MATN2: variants seen among roughly 807,000 people sequenced by gnomAD.
MATN2 encodes the protein matrilin 2.
In MATN2, 69 loss-of-function variants were observed where a neutral mutation model predicts 103.2. The ratio of observed to expected loss-of-function variants is 0.67; its 90% CI spans 0.55 to 0.82. The LOEUF is 0.82. Among genes scored for constraint, MATN2 ranks in the 40% least tolerant of loss-of-function variants. The pLI, the probability that MATN2 is intolerant of heterozygous loss-of-function variation, is 0.00. For missense variants in MATN2, 1,023 were observed against 1,211.5 expected (o/e 0.84, Z 2.31); for synonymous variants, 429 against 450.2 (o/e 0.95, Z 0.60).
At chr8:97,881,452 TTCTC>T (rs1016068862) in intron 1 of MATN2, among the ~76,000 whole-genome samples, 2 of 152,204 alleles carry the variant, frequency 1.3e-5, no homozygotes, top group African/African-American at 4.8e-5. Flanking sequence ...CAGAATAATC[TTCTC>T]TCTCTTCCCC....
At chr8:97,872,507 G>A (rs1817928921) in intron 1 of MATN2, among the ~76,000 whole-genome samples, 1 of 152,198 alleles carries the variant, frequency 6.6e-6, no homozygotes, top group African/African-American at 2.4e-5. Context: ...CAGTTCTGAA[G>A]TTCAGAACTC....
At chr8:97,893,832 C>T (rs896326444) in intron 2 of MATN2, among the ~76,000 whole-genome samples, 2 of 152,116 alleles carry the variant, frequency 1.3e-5, no homozygotes, top group South Asian at 2.1e-4. Context: ...CGTGAGCCGC[C>T]GCACCCGGCC....
chr8:97,946,391 C>T (rs1329388462), intron 4 of MATN2, among the ~76,000 whole-genome samples: 4 of 152,116 alleles, frequency 2.6e-5, no homozygotes, highest in Admixed American at 6.5e-5. Flanking sequence ...ATTCCTTCTG[C>T]CTTTCAAAAA....
At chr8:97,914,810 G>T (rs1025871989) in intron 2 of MATN2, among the ~76,000 whole-genome samples, 3 of 152,086 alleles carry the variant, frequency 2.0e-5, no homozygotes, top group African/African-American at 4.8e-5. Flanking sequence ...TTTTGCATAC[G>T]CTGCCCTTTT....
chr8:97,952,916 A>ATTTTTTTT (rs71570276), intron 4 of MATN2, among the ~76,000 whole-genome samples: 2 of 96,138 alleles, frequency 2.1e-5, no homozygotes, highest in Non-Finnish European at 4.0e-5. Flanking sequence ...GTTTGTAGGG[A>ATTTTTTTT]TTTTTTTTTT....
chr8:98,032,232 CT>C lies in MATN2; in HGVS notation c.2510-9del. The C allele has an allele frequency of 6.2e-7, 1 of 1,604,124 alleles. No homozygotes were observed. Among genetic ancestry groups the C allele is most frequent in the Non-Finnish European group, 8.5e-7 (1 of 1,175,076 alleles). ...GACAACCATCACTTCTTTTGGTCAT[CT>C]TTTTCTGCTCAGCTCTAGAAGACTC... On this transcript the variant is annotated splice_polypyrimidine_tract_variant and intron_variant, in intron 15 of 18. Transcript: ENST00000254898.
chr8:98,003,553 A>G (rs1234851166), intron 7 of MATN2, 108 bp from the exon 8 acceptor site: 2 of 1,289,264 alleles, frequency 1.6e-6, no homozygotes, highest in Admixed American at 3.8e-5. Context: ...CTCAGCAGGC[A>G]GCACCCACCA....
At chr8:97,938,963 G>A (rs1311248288) in intron 3 of MATN2, among the ~76,000 whole-genome samples, 6 of 151,980 alleles carry the variant, frequency 3.9e-5, no homozygotes, top group Non-Finnish European at 5.9e-5. Context: ...TCTGCCTCCC[G>A]GTTTCAAGCA....
intron 5 of MATN2, among the ~76,000 whole-genome samples, chr8:97,967,538 A>G (rs1811522533): frequency 6.6e-6 from 1 of 152,240 alleles, no homozygotes; most frequent in African/African-American, 2.4e-5. Context: ...TGGCCAAAAC[A>G]AAGGGCAATA....
chr8:98,011,666 TTCTA>T (rs1173392708), intron 10 of MATN2, among the ~76,000 whole-genome samples: 1 of 152,212 alleles, frequency 6.6e-6, no homozygotes, highest in Non-Finnish European at 1.5e-5. Flanking sequence ...AGCAGTGTAA[TTCTA>T]TCTGTCGGCT....
intron 1 of MATN2, among the ~76,000 whole-genome samples, chr8:97,881,680 TATC>T (rs1294268304): frequency 6.6e-6 from 1 of 152,202 alleles, no homozygotes; most frequent in South Asian, 2.1e-4. Flanking sequence ...TGTTCTCAAA[TATC>T]ATTCCATTTT....
intron 5 of MATN2, among the ~76,000 whole-genome samples, chr8:97,976,739 C>CTT (rs35592375): frequency 1.5e-4 from 21 of 144,718 alleles, no homozygotes; most frequent in South Asian, 4.3e-4. Context: ...TTTCCAAAAA[C>CTT]TTTTTTTTTT....
At chr8:97,965,938 C>T (rs1482606908) in intron 5 of MATN2, among the ~76,000 whole-genome samples, 5 of 151,930 alleles carry the variant, frequency 3.3e-5, no homozygotes, top group South Asian at 2.1e-4. Context: ...GAGCCGAGAT[C>T]GCACCATTGC....
chr8:98,033,775 G>C (rs1482415194), intron 18 of MATN2, 116 bp downstream of exon 18: 1 of 743,004 alleles, frequency 1.3e-6, no homozygotes, highest in Non-Finnish European at 2.2e-6. Flanking sequence ...ACAAAGAACA[G>C]TGATCTCCAG....
At chr8:97,951,444 C>A (rs556723471) in intron 4 of MATN2, among the ~76,000 whole-genome samples, 2 of 152,138 alleles carry the variant, frequency 1.3e-5, no homozygotes, top group South Asian at 2.1e-4. Context: ...AAAGTGTGGT[C>A]CCCCCGGAAA....
rs566539616 is a variant in MATN2, at chr8:97,983,628, G to C, written c.1081+4620G>C. Among the ~76,000 whole-genome samples the C allele has an allele frequency of 3.3e-5, 5 of 152,168 alleles. No individual in the cohort carries two copies. In the South Asian group the frequency reaches 1.0e-3, roughly 32 times the overall value. ...TGTAAGGATGAATAAAGGCAATTGC[G>C]GACACCATCTTTTGCATGTTGCCAT... On this transcript the variant is annotated intron_variant, in intron 6 of 18. Coordinates refer to ENST00000254898, the MANE Select transcript of MATN2 (RefSeq NM_002380.5).
rs1462696488 is a variant in MATN2 at position 98,030,656 on chromosome 8, A to G, written c.2509+42A>G. ...CGAAGACCTTAGCAAACAAGGCAGCATGAACTCCTTTTTTTTTGTTTTTTG... is the reference window on the plus strand; with the variant it reads ...CGAAGACCTTAGCAAACAAGGCAGCGTGAACTCCTTTTTTTTTGTTTTTTG... On this transcript the variant is annotated intron_variant, in intron 15 of 18. Coordinates refer to ENST00000254898, the MANE Select transcript of MATN2 (RefSeq NM_002380.5). 6 of 1,581,700 alleles carry G rather than the reference A, an allele frequency of 3.8e-6. No individual in the cohort carries two copies. In the African/African-American group the frequency reaches 6.9e-5, roughly 18 times the overall value.
chr8:98,020,546 C>T (rs2130426919), intron 12 of MATN2, among the ~76,000 whole-genome samples: 1 of 152,322 alleles, frequency 6.6e-6, no homozygotes, highest in Non-Finnish European at 1.5e-5. Context: ...GGTACAACTT[C>T]TACCTCTGGA....
chr8:97,993,226 C>G (rs1264159399), intron 6 of MATN2, among the ~76,000 whole-genome samples: 1 of 152,116 alleles, frequency 6.6e-6, no homozygotes, highest in South Asian at 2.1e-4. Context: ...CTTTCCCTTA[C>G]TCAGTTTGTT....
Sources: gnomAD v4.1 joint callset for allele counts (sites outside exome capture counted in the v4.1 genomes callset) on GRCh38, gnomAD v4.1.1 for gene constraint, MANE v1.5 for transcripts, NCBI Gene and HGNC (gene_info 2026-07-23, HGNC 2026-07-21) for gene names.